The following BRCA1 variants were observed in gnomAD, a reference collection of about 807,000 sequenced individuals.
BRCA1 encodes the protein breast cancer type 1 susceptibility protein.
A neutral mutation model predicts 173.7 loss-of-function variants in BRCA1; 140 were observed. That is an observed-to-expected ratio of 0.81 (90% CI 0.70 to 0.93). The LOEUF (loss-of-function observed/expected upper bound fraction) is 0.93, where lower values mean the gene tolerates loss of function less well. BRCA1 is among the 40% of genes least tolerant of loss of function. The pLI is 0.00. For missense variants in BRCA1, 1,983 were observed against 2,172.5 expected (o/e 0.91, Z 1.73); for synonymous variants, 662 against 756.0 (o/e 0.88, Z 2.04).
intron 3 of BRCA1, among the ~76,000 whole-genome samples, chr17:43,106,870 G>A (rs921388978): frequency 6.6e-6 from 1 of 152,078 alleles, no homozygotes; most frequent in African/African-American, 2.4e-5. Context: ...TAAACGGTAA[G>A]TAGTTCATGT....
At position 43,044,985 on chromosome 17, in the gene BRCA1, G is replaced by A. The variant is rs540031582; in HGVS notation, c.*693C>T. The A allele has an allele frequency of 1.3e-4, 65 of 487,350 alleles. No homozygotes were observed. Among genetic ancestry groups the A allele is most frequent in the Admixed American group, 4.0e-4 (17 of 42,794 alleles). 30.2% of individuals were successfully genotyped at this position (487,350 alleles called of 1,614,324 possible). A position where few individuals can be genotyped will look rare whatever the true frequency, so the allele number is the denominator to read the frequency against. ...TGACCGGCTAATTTCTGTATTTTTA[G>A]TAGAGATGGGGTTTCACCATGTTGG... On this transcript the variant is annotated 3_prime_UTR_variant, in exon 23 of 23. Transcript: ENST00000357654.
chr17:43,150,849 GTC>G (rs1161421267), intron 1 of BRCA1, among the ~76,000 whole-genome samples: 1 of 152,264 alleles, frequency 6.6e-6, no homozygotes, highest in Non-Finnish European at 1.5e-5. Flanking sequence ...TTGCCAAAGA[GTC>G]TCTCAGTTTT....
chr17:43,076,251 T>C (rs2052704295), intron 13 of BRCA1, among the ~76,000 whole-genome samples: 1 of 152,130 alleles, frequency 6.6e-6, no homozygotes, highest in Admixed American at 6.5e-5. Context: ...TATATTTTTT[T>C]CTGACCTTCA....
rs751856943 is a variant in BRCA1, at chr17:43,067,675, G to A, written c.5007C>T (p.Ala1669=). The part of the protein sequence containing the change: ...PEEFMLVYKF[A]RKHHITLTNL... ...TAGTTAAAGTGATGTGGTGTTTTCT[G>A]GCAAACTTGTACACGAGCATCTGAA... Residue 1669 remains alanine (A), a synonymous_variant, in exon 16 of 23, where the codon GCC becomes GCT. Coordinates refer to ENST00000357654, the MANE Select transcript of BRCA1 (RefSeq NM_007294.4). The A allele has an allele frequency of 1.2e-6, 2 of 1,613,054 alleles. No individual in the cohort carries two copies. The highest frequency in any genetic ancestry group is 2.2e-5 in the South Asian group (2 of 91,050).
intron 3 of BRCA1, chr17:43,110,675 C>G (rs1046925641): frequency 6.7e-6 from 2 of 299,872 alleles, no homozygotes; most frequent in African/African-American, 4.4e-5. Flanking sequence ...GGTTCTAGAT[C>G]TTCAAAAAAG....
chr17:43,159,598 C>T (rs890243202), intron 1 of BRCA1: 6 of 221,092 alleles, frequency 2.7e-5, no homozygotes, highest in Admixed American at 1.2e-4. Context: ...CAGACGGGGT[C>T]GCGGCCGGGC....
chr17:43,053,929 A>G (rs1370535871), intron 19 of BRCA1, among the ~76,000 whole-genome samples: 6 of 151,918 alleles, frequency 3.9e-5, no homozygotes, highest in Admixed American at 1.3e-4. Context: ...AGATCACGCC[A>G]TTGTACTTCA....
At chr17:43,086,278 T>A (rs1387010297) in intron 11 of BRCA1, among the ~76,000 whole-genome samples, 1 of 152,152 alleles carries the variant, frequency 6.6e-6, no homozygotes, top group Non-Finnish European at 1.5e-5. Context: ...CCCTTAATCA[T>A]ATTTGTCTCC....
chr17:43,052,640 A>C (rs914299521), intron 19 of BRCA1, among the ~76,000 whole-genome samples: 12 of 152,160 alleles, frequency 7.9e-5, no homozygotes, highest in African/African-American at 2.9e-4. Context: ...TTCCCATTGC[A>C]ATAAAAAGAA....
chr17:43,101,028 G>A (rs916592622), intron 6 of BRCA1, among the ~76,000 whole-genome samples: 2 of 151,628 alleles, frequency 1.3e-5, no homozygotes, highest in African/African-American at 4.8e-5. Context: ...ACCGTGCCTG[G>A]CCAATAACAT....
At chr17:43,128,156 T>C (rs2055931383), upstream of BRCA1, among the ~76,000 whole-genome samples, 1 of 149,400 alleles carries the variant, frequency 6.7e-6, no homozygotes, top group South Asian at 2.2e-4. Context: ...TGCTCACTCT[T>C]TGGGTCCGCA....
chr17:43,151,175 G>GT (rs1434873159), intron 1 of BRCA1, among the ~76,000 whole-genome samples: 1 of 152,152 alleles, frequency 6.6e-6, no homozygotes, highest in African/African-American at 2.4e-5. Context: ...GGGACTTTGG[G>GT]TATCTATTTA....
At chr17:43,073,071 C>T (rs2153966537) in intron 14 of BRCA1, among the ~76,000 whole-genome samples, 1 of 151,856 alleles carries the variant, frequency 6.6e-6, no homozygotes, top group Non-Finnish European at 1.5e-5. Flanking sequence ...GTGGCTCACA[C>T]CTATAATCCC....
intron 19 of BRCA1, among the ~76,000 whole-genome samples, chr17:43,056,027 T>C (rs1366868757): frequency 6.6e-6 from 1 of 152,188 alleles, no homozygotes; most frequent in East Asian, 1.9e-4. Flanking sequence ...TGTGTGACTT[T>C]GAGCAACTTA....
intron 11 of BRCA1, among the ~76,000 whole-genome samples, chr17:43,088,203 C>T (rs2053304517): frequency 6.6e-6 from 1 of 152,200 alleles, no homozygotes; most frequent in African/African-American, 2.4e-5. Context: ...GTGTACAGTT[C>T]AGTGGCATTA....
At chr17:43,133,853 T>G (rs2055992914) in intron 1 of BRCA1, among the ~76,000 whole-genome samples, 1 of 152,158 alleles carries the variant, frequency 6.6e-6, no homozygotes, top group Non-Finnish European at 1.5e-5. Flanking sequence ...CAGGCTGGTC[T>G]CAAACTCCTG....
At chr17:43,128,998 A>G (rs1424528782), upstream of BRCA1, among the ~76,000 whole-genome samples, 1 of 152,030 alleles carries the variant, frequency 6.6e-6, no homozygotes, top group Non-Finnish European at 1.5e-5. Context: ...TCTGGTGGAG[A>G]CAGTAACCAA....
chr17:43,055,824 T>A (rs1567763525), intron 19 of BRCA1, among the ~76,000 whole-genome samples: 1 of 152,076 alleles, frequency 6.6e-6, no homozygotes. Context: ...TCCTAGCCAC[T>A]TGGGAGGCCA....
At chr17:43,116,750 C>A (rs2055314856) in intron 2 of BRCA1, among the ~76,000 whole-genome samples, 1 of 152,182 alleles carries the variant, frequency 6.6e-6, no homozygotes, top group African/African-American at 2.4e-5. Context: ...AACTCCTGAC[C>A]TCAGGTGATC....
Sources: allele counts gnomAD v4.1 joint callset (sites outside exome capture counted in the v4.1 genomes callset), GRCh38; gene constraint gnomAD v4.1.1; transcripts MANE v1.5; gene names NCBI Gene and HGNC (gene_info 2026-07-23, HGNC 2026-07-21).